Variants in ERGIC2 observed in about 807,000 individuals in gnomAD.
ERGIC2 encodes the protein ERGIC and golgi 2.
ERGIC2 carries 31 observed loss-of-function variants against 52.5 expected under a neutral mutation model. The ratio of observed to expected loss-of-function variants is 0.59; its 90% CI spans 0.44 to 0.80. ERGIC2 has a LOEUF of 0.80. Ranked by LOEUF, ERGIC2 falls within the 30% of genes least tolerant of loss-of-function variation. ERGIC2 has a pLI of 0.00. For synonymous variants in ERGIC2, 129 were observed against 140.6 expected, an observed-to-expected ratio of 0.92 and a Z score of 0.58; for missense variants, 395 against 455.2, an observed-to-expected ratio of 0.87 and a Z score of 1.20.
intron 11 of ERGIC2, among the ~76,000 whole-genome samples, chr12:29,343,629 A>C (rs1949855732): frequency 6.6e-6 from 1 of 152,222 alleles, no homozygotes; most frequent in South Asian, 2.1e-4. Flanking sequence ...GAATACAAAT[A>C]ATGAGGTTAA....
At chr12:29,359,594 C>T (rs145714876) in intron 6 of ERGIC2, among the ~76,000 whole-genome samples, 34 of 152,060 alleles carry the variant, frequency 2.2e-4, no homozygotes, top group Admixed American at 1.6e-3. Context: ...AGAAATCTCA[C>T]TTTAATGTTT....
At chr12:29,375,542 T>C (rs1196849460) in intron 1 of ERGIC2, among the ~76,000 whole-genome samples, 3 of 152,222 alleles carry the variant, frequency 2.0e-5, no homozygotes, top group Non-Finnish European at 4.4e-5. Flanking sequence ...ATAGTCAGTA[T>C]AGCACTGTTA....
In ERGIC2 at chr12:29,353,067, G is replaced by A. The variant is rs188334147; in HGVS notation, c.573-2999C>T. Among the ~76,000 whole-genome samples the A allele has an allele frequency of 2.2e-3, 331 of 152,208 alleles. 1 individual carries two copies. The highest frequency in any genetic ancestry group is 3.8e-3 in the Non-Finnish European group (258 of 67,998). ...TCAAGTTTCAGAATATGCCCTAGTA[G>A]GTCTAAACATTGTTTAATTTGTTCT... On this transcript the variant is annotated intron_variant, in intron 8 of 13. Transcript: ENST00000360150.
At chr12:29,356,324 A>C in intron 8 of ERGIC2, 58 bp downstream of exon 8, 1 of 1,045,808 alleles carries the variant, frequency 9.6e-7, no homozygotes, top group Admixed American at 1.7e-5. Context: ...GCCAGAATTT[A>C]CTTTTAACCA....
rs182089045 is a variant in ERGIC2, at chr12:29,338,775, A to G, written c.*2381T>C. On this transcript the variant is annotated 3_prime_UTR_variant, in exon 14 of 14. Transcript: ENST00000360150. ...TTTAATCTTCTTTATAGGTCAATGT[A>G]TGCAAACACAGTATTTAAAAATCCA... 1.7e-3 allele frequency: 262 copies of G among 152,354 alleles called. 1 individual carries two copies. Among genetic ancestry groups the G allele is most frequent in the African/African-American group, 6.0e-3 (250 of 41,594 alleles). The allele number at this position is 152,354 out of a possible 1,614,324, so 9.4% of individuals were successfully genotyped here. A position where few individuals can be genotyped will look rare whatever the true frequency, so the allele number is the denominator to read the frequency against.
Position 29,350,282 on chromosome 12 carries a change from T to C in ERGIC2, c.573-214A>G, listed in dbSNP as rs35962253. Among the ~76,000 whole-genome samples the C allele has an allele frequency of 7.4e-3, 1,133 of 152,224 alleles. 4 individuals are homozygous for C. The highest frequency in any genetic ancestry group is 0.012 in the Non-Finnish European group (827 of 67,942). ...CAAACATTTTTGGCAAAGAGCCAGA[T>C]AGTAAATACTTTAGGCTTTGTGGAC... On this transcript the variant is annotated intron_variant, in intron 8 of 13. Transcript: ENST00000360150.
At chr12:29,373,806 A>C (rs956613128) in intron 1 of ERGIC2, among the ~76,000 whole-genome samples, 4 of 152,310 alleles carry the variant, frequency 2.6e-5, no homozygotes, top group African/African-American at 9.6e-5. Context: ...AACAGATGAC[A>C]GTTTTCTGAC....
intron 2 of ERGIC2, 45 bp downstream of exon 2, chr12:29,371,483 G>A: frequency 8.0e-7 from 1 of 1,248,164 alleles, no homozygotes; most frequent in Admixed American, 2.2e-5. Context: ...GGATCACGCA[G>A]AAGTTGTACT....
intron 2 of ERGIC2, 94 bp from the exon 3 acceptor site, chr12:29,370,316 G>C: frequency 7.5e-7 from 1 of 1,331,344 alleles, no homozygotes; most frequent in Non-Finnish European, 9.8e-7. Flanking sequence ...ATTTTCAAAA[G>C]AAAAAGCCTA....
intron 8 of ERGIC2, among the ~76,000 whole-genome samples, chr12:29,350,388 T>C (rs1415496489): frequency 1.3e-5 from 2 of 152,096 alleles, no homozygotes; most frequent in Admixed American, 6.5e-5. Flanking sequence ...GATATAATAG[T>C]AATGAGTCCT....
intron 5 of ERGIC2, among the ~76,000 whole-genome samples, chr12:29,364,178 A>T (rs1446517246): frequency 6.6e-6 from 1 of 152,150 alleles, no homozygotes; most frequent in Non-Finnish European, 1.5e-5. Context: ...TGGGTAATAA[A>T]AGATAATAGC....
At chr12:29,363,043 A>G (rs1565541702) in intron 5 of ERGIC2, among the ~76,000 whole-genome samples, 1 of 152,204 alleles carries the variant, frequency 6.6e-6, no homozygotes, top group Non-Finnish European at 1.5e-5. Context: ...ATGCTAATTC[A>G]TTATCTCACT....
At chr12:29,369,170 A>G in intron 3 of ERGIC2, among the ~76,000 whole-genome samples, 1 of 151,972 alleles carries the variant, frequency 6.6e-6, no homozygotes, top group Admixed American at 6.6e-5. Context: ...GGAGATAGGA[A>G]CCAGGAGTAG....
chr12:29,342,275 A>G (rs1453179205), intron 12 of ERGIC2, among the ~76,000 whole-genome samples: 2 of 152,200 alleles, frequency 1.3e-5, no homozygotes, highest in African/African-American at 2.4e-5. Flanking sequence ...TGGCCTCCCA[A>G]AGTGTTGGGA....
At chr12:29,364,801 T>C (rs1429428155) in intron 5 of ERGIC2, among the ~76,000 whole-genome samples, 2 of 151,972 alleles carry the variant, frequency 1.3e-5, no homozygotes, top group Non-Finnish European at 1.5e-5. Context: ...GCAAAGGACA[T>C]GAACACACAC....
chr12:29,350,085 C>T lies in ERGIC2; in HGVS notation c.573-17G>A, dbSNP rs1451078347. On this transcript the variant is annotated splice_polypyrimidine_tract_variant and intron_variant, in intron 8 of 13. Coordinates refer to ENST00000360150, the MANE Select transcript of ERGIC2 (RefSeq NM_016570.3). The stretch of plus-strand genomic sequence containing the variant: ...GGAATTGCCCTGAAAGGAGAAAAAA[C>T]AATTATTAAAGTAGTACCATTTATA... 1 of 1,537,430 alleles carries T rather than the reference C, an allele frequency of 6.5e-7. No homozygotes were observed. The highest frequency in any genetic ancestry group is 1.7e-5 in the Admixed American group (1 of 59,444).
intron 7 of ERGIC2, 106 bp downstream of exon 7, chr12:29,357,517 C>T (rs1194183504): frequency 1.5e-6 from 1 of 667,758 alleles, no homozygotes; most frequent in African/African-American, 1.8e-5. Flanking sequence ...TCTATTTTCC[C>T]TTCCTAAGAA....
rs1314223240 is a variant in ERGIC2 at position 29,365,643 on chromosome 12, A to C, written c.333+1234T>G. Among the ~76,000 whole-genome samples the C allele has an allele frequency of 2.1e-5, 3 of 145,670 alleles. No individual in the cohort carries two copies. The Admixed American group carries it at 2.1e-4, about 10-fold the overall frequency. ...AAAACAGTCCCTCTTCAAAATGATA[A>C]ACAAAAATAAGGTAAGAATGGCAGA... On this transcript the variant is annotated intron_variant, in intron 5 of 13. Coordinates refer to ENST00000360150, the MANE Select transcript of ERGIC2 (RefSeq NM_016570.3).
chr12:29,377,903 A>G (rs1940536036), intron 1 of ERGIC2, among the ~76,000 whole-genome samples: 1 of 152,212 alleles, frequency 6.6e-6, no homozygotes, highest in African/African-American at 2.4e-5. Flanking sequence ...CCTGCTACCC[A>G]AGTTTTGAGT....
Sources: gnomAD v4.1 joint callset for allele counts (sites outside exome capture counted in the v4.1 genomes callset) on GRCh38, gnomAD v4.1.1 for gene constraint, MANE v1.5 for transcripts, NCBI Gene and HGNC (gene_info 2026-07-23, HGNC 2026-07-21) for gene names.